The following TCF4 variants were observed in gnomAD, a reference collection of about 807,000 sequenced individuals.
TCF4 encodes the protein transcription factor 4, also known as SL3-3 enhancer factor 2.
A neutral mutation model predicts 82.1 loss-of-function variants in TCF4; 3 were observed. The ratio of observed to expected loss-of-function variants is 0.04; its 90% CI spans 0.02 to 0.09. The LOEUF is 0.09. Among genes scored for constraint, TCF4 ranks in the 10% least tolerant of loss-of-function variants. The probability of loss-of-function intolerance (pLI) is 1.00; values close to 1 mark genes in which losing one functional copy is unlikely to be tolerated. For synonymous variants in TCF4, 276 were observed against 309.6 expected (o/e 0.89, Z 1.14); for missense variants, 518 against 852.7 (o/e 0.61, Z 4.89).
chr18:55,558,489 T>C lies in TCF4; in HGVS notation c.145+26791A>G, dbSNP rs868008417. Reference sequence around the variant, plus strand: ...AATAAGTAACAACAATGGATCTCCCTAGTAAAATGTCTATAAAATCAACAA... The same window carrying C: ...AATAAGTAACAACAATGGATCTCCCCAGTAAAATGTCTATAAAATCAACAA... On this transcript the variant is annotated intron_variant, in intron 3 of 19. Coordinates refer to ENST00000354452, the MANE Select transcript of TCF4 (RefSeq NM_001083962.2). Among the ~76,000 whole-genome samples the C allele has an allele frequency of 3.9e-5, 6 of 152,318 alleles. No homozygotes were observed. In the South Asian group the frequency reaches 1.2e-3, roughly 32 times the overall value.
chr18:55,571,210 C>T (rs781268197), intron 3 of TCF4, among the ~76,000 whole-genome samples: 28 of 152,146 alleles, frequency 1.8e-4, no homozygotes, highest in Non-Finnish European at 3.5e-4. Context: ...TAAACTACAA[C>T]CTATTCATCA....
chr18:55,622,321 A>G (rs2147989354), intron 2 of TCF4, among the ~76,000 whole-genome samples: 1 of 151,224 alleles, frequency 6.6e-6, no homozygotes, highest in African/African-American at 2.4e-5. Context: ...ATCCTGCCCA[A>G]CAGGGTGAAA....
chr18:55,415,200 A>G (rs2094483248), intron 5 of TCF4, among the ~76,000 whole-genome samples: 1 of 152,218 alleles, frequency 6.6e-6, no homozygotes, highest in African/African-American at 2.4e-5. Flanking sequence ...CAAGAGTATT[A>G]CACACATTGC....
At chr18:55,511,757 G>A (rs952206217) in intron 3 of TCF4, among the ~76,000 whole-genome samples, 1 of 151,948 alleles carries the variant, frequency 6.6e-6, no homozygotes, top group Non-Finnish European at 1.5e-5. Context: ...ATGACATAAA[G>A]GGAGAAAATT....
chr18:55,548,698 C>A (rs1305814066), intron 3 of TCF4, among the ~76,000 whole-genome samples: 1 of 152,150 alleles, frequency 6.6e-6, no homozygotes, highest in Non-Finnish European at 1.5e-5. Flanking sequence ...CCTATTGCTC[C>A]AAGGCTACAA....
At chr18:55,488,723 C>T (rs905832449) in intron 3 of TCF4, among the ~76,000 whole-genome samples, 15 of 152,328 alleles carry the variant, frequency 9.8e-5, no homozygotes, top group Admixed American at 4.6e-4. Context: ...GGGACACTCC[C>T]TTGGCTCCTG....
chr18:55,476,689 G>A (rs984763124), intron 3 of TCF4, among the ~76,000 whole-genome samples: 4 of 151,818 alleles, frequency 2.6e-5, no homozygotes, highest in Admixed American at 6.6e-5. Flanking sequence ...GTTGATCTCC[G>A]ACTCCTGGGC....
chr18:55,517,484 A>G (rs1484327096), intron 3 of TCF4, among the ~76,000 whole-genome samples: 1 of 152,174 alleles, frequency 6.6e-6, no homozygotes, highest in African/African-American at 2.4e-5. Context: ...GGTAAACTAC[A>G]TACAGATTTG....
chr18:55,333,482 CA>C (rs111343105), intron 8 of TCF4, among the ~76,000 whole-genome samples: 2 of 151,034 alleles, frequency 1.3e-5, no homozygotes, highest in Non-Finnish European at 3.0e-5. Flanking sequence ...GAAAAACAAA[CA>C]AAAAAAACCC....
At chr18:55,369,206 C>T (rs1030932603) in intron 6 of TCF4, among the ~76,000 whole-genome samples, 6 of 152,152 alleles carry the variant, frequency 3.9e-5, no homozygotes, top group South Asian at 2.1e-4. Context: ...ATGTCAATAA[C>T]ATAAATCCTA....
At chr18:55,434,131 C>G (rs2095269941) in intron 5 of TCF4, among the ~76,000 whole-genome samples, 1 of 152,170 alleles carries the variant, frequency 6.6e-6, no homozygotes, top group Non-Finnish European at 1.5e-5. Context: ...TCTCTATTCA[C>G]TATGCTCAAC....
chr18:55,332,696 T>C (rs998730896), intron 8 of TCF4, among the ~76,000 whole-genome samples: 1 of 152,226 alleles, frequency 6.6e-6, no homozygotes, highest in African/African-American at 2.4e-5. Flanking sequence ...TGGCACTTAG[T>C]AGGTGTGCTA....
chr18:55,589,248 T>A, upstream of TCF4: 1 of 1,046,506 alleles, frequency 9.6e-7, no homozygotes, highest in Non-Finnish European at 1.2e-6. Flanking sequence ...ATTTTAAAAA[T>A]TAAATTCAAT....
intron 8 of TCF4, among the ~76,000 whole-genome samples, chr18:55,318,625 AT>A (rs1362614408): frequency 6.6e-6 from 1 of 152,068 alleles, no homozygotes; most frequent in Non-Finnish European, 1.5e-5. Context: ...TTGTGTTACG[AT>A]TTTTTGTTAA....
intron 5 of TCF4, among the ~76,000 whole-genome samples, chr18:55,427,000 T>G (rs560897726): frequency 6.6e-6 from 1 of 152,216 alleles, no homozygotes; most frequent in East Asian, 1.9e-4. Flanking sequence ...TCCTGAATTA[T>G]TTTTTGGTCA....
At chr18:55,251,933 T>TTTTTG (rs1490019952) in intron 15 of TCF4, among the ~76,000 whole-genome samples, 3 of 144,948 alleles carry the variant, frequency 2.1e-5, no homozygotes, top group African/African-American at 2.7e-5. Context: ...GGATGAGGTT[T>TTTTTG]TTTTTTTTTT....
intron 3 of TCF4, among the ~76,000 whole-genome samples, chr18:55,494,927 A>T (rs1476590472): frequency 6.6e-6 from 1 of 151,726 alleles, no homozygotes; most frequent in Admixed American, 6.6e-5. Flanking sequence ...TTATTGCAAC[A>T]TCTATAAAGA....
chr18:55,622,045 T>C (rs1317172636), intron 2 of TCF4, among the ~76,000 whole-genome samples: 1 of 136,762 alleles, frequency 7.3e-6, no homozygotes, highest in Non-Finnish European at 1.5e-5. Flanking sequence ...ATATACACTA[T>C]ATATAATATA....
At chr18:55,236,655 T>C (rs1332142442) in intron 15 of TCF4, among the ~76,000 whole-genome samples, 2 of 152,194 alleles carry the variant, frequency 1.3e-5, no homozygotes, top group African/African-American at 4.8e-5. Flanking sequence ...TATTTTTATA[T>C]TCATGCATTA....
Sources: gnomAD v4.1 joint callset for allele counts (sites outside exome capture counted in the v4.1 genomes callset) on GRCh38, gnomAD v4.1.1 for gene constraint, MANE v1.5 for transcripts, NCBI Gene and HGNC (gene_info 2026-07-23, HGNC 2026-07-21) for gene names.